The following ILRUN variants were observed in gnomAD, a reference collection of about 807,000 sequenced individuals.
The protein encoded by ILRUN is protein ILRUN.
In ILRUN, 3 loss-of-function variants were observed where a neutral mutation model predicts 33.8. That is an observed-to-expected ratio of 0.09 (90% CI 0.04 to 0.23). The LOEUF is 0.23. Ranked by LOEUF, ILRUN falls within the 10% of genes least tolerant of loss-of-function variation. ILRUN has a pLI of 1.00. For missense variants in ILRUN, 210 were observed against 375.1 expected, an observed-to-expected ratio of 0.56 and a Z score of 3.64; for synonymous variants, 124 against 138.9, an observed-to-expected ratio of 0.89 and a Z score of 0.75.
chr6:34,617,322 A>G, intron 3 of ILRUN: 1 of 303,418 alleles, frequency 3.3e-6, no homozygotes, highest in Non-Finnish European at 6.4e-6. Context: ...TCTCAAATTG[A>G]AAAAAAAAGT....
intron 1 of ILRUN, among the ~76,000 whole-genome samples, chr6:34,676,194 A>G (rs1435521654): frequency 1.3e-5 from 2 of 152,058 alleles, no homozygotes; most frequent in Non-Finnish European, 2.9e-5. Context: ...AGGATCACCC[A>G]GGAGTTCCAG....
intron 1 of ILRUN, chr6:34,696,197 T>C: frequency 2.1e-6 from 1 of 482,246 alleles, no homozygotes; most frequent in Non-Finnish European, 3.7e-6. Flanking sequence ...CGAAAAACCT[T>C]AGGAGCTCGC....
intron 3 of ILRUN, among the ~76,000 whole-genome samples, chr6:34,619,863 T>C (rs1247789560): frequency 2.6e-5 from 4 of 151,686 alleles, no homozygotes; most frequent in Non-Finnish European, 5.9e-5. Flanking sequence ...TGCAGGCCCG[T>C]AGTCCCAGCT....
At chr6:34,606,268 A>T (rs1202154513) in intron 4 of ILRUN, among the ~76,000 whole-genome samples, 2 of 152,192 alleles carry the variant, frequency 1.3e-5, no homozygotes, top group Admixed American at 6.5e-5. Context: ...TTCTTTTTTT[A>T]AAATACTAAA....
intron 3 of ILRUN, among the ~76,000 whole-genome samples, chr6:34,609,466 G>A (rs1428021446): frequency 6.6e-6 from 1 of 152,024 alleles, no homozygotes; most frequent in East Asian, 1.9e-4. Context: ...CTCCAGCCTG[G>A]ATGACAGAGT....
intron 3 of ILRUN, among the ~76,000 whole-genome samples, chr6:34,627,985 G>A (rs1004757367): frequency 2.6e-5 from 4 of 151,914 alleles, no homozygotes; most frequent in Non-Finnish European, 5.9e-5. Flanking sequence ...TTACAGGCAT[G>A]AGCCACCGCC....
At chr6:34,644,050 C>T (rs1295920162) in intron 3 of ILRUN, among the ~76,000 whole-genome samples, 1 of 152,036 alleles carries the variant, frequency 6.6e-6, no homozygotes, top group Non-Finnish European at 1.5e-5. Context: ...TTTAAAGTCC[C>T]CTCATATTTA....
At chr6:34,614,443 A>AAAAAAAATAT (rs71000073) in intron 3 of ILRUN, among the ~76,000 whole-genome samples, 2,717 of 133,398 alleles carry the variant, frequency 0.02, 55 homozygotes, top group Non-Finnish European at 0.03. Context: ...AAAAAAAAAA[A>AAAAAAAATAT]ATATATATAT....
intron 1 of ILRUN, among the ~76,000 whole-genome samples, chr6:34,677,133 CTCG>C (rs1763252789): frequency 3.9e-5 from 6 of 152,018 alleles, no homozygotes; most frequent in African/African-American, 1.4e-4. Context: ...ATGGCAAAAC[CTCG>C]TCTTTACTAA....
chr6:34,644,584 C>A (rs77351094), intron 3 of ILRUN, among the ~76,000 whole-genome samples: 1 of 152,174 alleles, frequency 6.6e-6, no homozygotes, highest in East Asian at 1.9e-4. Flanking sequence ...AGACAAATAA[C>A]CTCTCTACAT....
intron 1 of ILRUN, among the ~76,000 whole-genome samples, chr6:34,682,021 C>CTTTTT (rs1377020252): frequency 9.2e-5 from 12 of 130,078 alleles, no homozygotes; most frequent in East Asian, 2.2e-4. Context: ...CCCACTAATT[C>CTTTTT]TTATATTTTT....
intron 2 of ILRUN, among the ~76,000 whole-genome samples, chr6:34,648,988 A>C (rs1307212426): frequency 6.6e-6 from 1 of 152,216 alleles, no homozygotes; most frequent in South Asian, 2.1e-4. Context: ...GTGCTGCTAC[A>C]TTCCAGAGAA....
chr6:34,588,030 G>A lies in ILRUN; in HGVS notation c.*2535C>T. Reference sequence around the variant, plus strand: ...GTAGCCACTACCACCCCACTAGGCAGGGGAGCAGAGAGGGGCCCTAGGCAT... The same window carrying A: ...GTAGCCACTACCACCCCACTAGGCAAGGGAGCAGAGAGGGGCCCTAGGCAT... On this transcript the variant is annotated 3_prime_UTR_variant, in exon 5 of 5. Coordinates refer to ENST00000374023, the MANE Select transcript of ILRUN (RefSeq NM_024294.4). The A allele has an allele frequency of 2.5e-6, 1 of 398,714 alleles. No homozygotes were observed. The allele number at this position is 398,714 out of a possible 1,614,324, so 24.7% of individuals were successfully genotyped here. A position where few individuals can be genotyped will look rare whatever the true frequency, so the allele number is the denominator to read the frequency against.
In ILRUN at chr6:34,646,943, C is replaced by G. The variant is rs1344792205; in HGVS notation, c.314-145G>C. The G allele has an allele frequency of 1.5e-6, 1 of 683,348 alleles. No homozygotes were observed. Among genetic ancestry groups the G allele is most frequent in the Non-Finnish European group, 2.5e-6 (1 of 403,494 alleles). The allele number at this position is 683,348 out of a possible 1,614,324, so 42.3% of individuals were successfully genotyped here. ...CACATATACCTAAGCCATATATTGT[C>G]TCACACAACTGATCAAAAGGAATTA... is the stretch of plus-strand genomic sequence containing the variant. On this transcript the variant is annotated intron_variant, in intron 2 of 4. Transcript: ENST00000374023. This position sits in a 1 kb window ranked among gnomAD's most constrained non-coding sequence, Gnocchi z 4.9.
In ILRUN at chr6:34,696,670, G is replaced by A; in HGVS notation, c.-67C>T. 1 of 1,536,648 alleles carries A rather than the reference G, an allele frequency of 6.5e-7. No homozygotes were observed. On this transcript the variant is annotated 5_prime_UTR_variant, in exon 1 of 5. Coordinates refer to ENST00000374023, the MANE Select transcript of ILRUN (RefSeq NM_024294.4). The stretch of plus-strand genomic sequence containing the variant: ...AGCCGCCGCCGCGCCGCCGGGCCCG[G>A]GGACCTGGAGGGGGGCCGCTGCTAG...
At chr6:34,695,295 G>A (rs1043173766) in intron 1 of ILRUN, among the ~76,000 whole-genome samples, 3 of 152,168 alleles carry the variant, frequency 2.0e-5, no homozygotes, top group Non-Finnish European at 4.4e-5. Flanking sequence ...ATGCCCAACA[G>A]AGCAAAGGGC....
intron 3 of ILRUN, among the ~76,000 whole-genome samples, chr6:34,631,420 T>C (rs1300921337): frequency 6.6e-6 from 1 of 151,932 alleles, no homozygotes; most frequent in African/African-American, 2.4e-5. Flanking sequence ...CTCCGCCTCC[T>C]GGGTTCAAGC....
intron 2 of ILRUN, among the ~76,000 whole-genome samples, chr6:34,651,840 T>C (rs1762678442): frequency 6.8e-6 from 1 of 146,126 alleles, no homozygotes; most frequent in African/African-American, 2.6e-5. Context: ...TTGCCCAGGC[T>C]GGAGTGCAGC....
intron 3 of ILRUN, among the ~76,000 whole-genome samples, chr6:34,627,672 CT>C (rs750931580): frequency 6.8e-5 from 10 of 147,496 alleles, no homozygotes; most frequent in Non-Finnish European, 1.0e-4. Flanking sequence ...TGTGCATTTT[CT>C]TTGGTGAGAT....
Sources: gnomAD v4.1 joint callset for allele counts (sites outside exome capture counted in the v4.1 genomes callset) on GRCh38, gnomAD v4.1.1 for gene constraint, Gnocchi (gnomAD v3.1) non-coding constraint, MANE v1.5 for transcripts, NCBI Gene and HGNC (gene_info 2026-07-23, HGNC 2026-07-21) for gene names.